RNASEH1: variants seen among roughly 807,000 people sequenced by gnomAD.
RNASEH1 encodes the protein ribonuclease H1.
Under a neutral mutation model 34.6 loss-of-function variants are expected in RNASEH1, and 27 were observed. The ratio of observed to expected loss-of-function variants is 0.78; its 90% CI spans 0.58 to 1.08. The LOEUF (loss-of-function observed/expected upper bound fraction) is 1.08. RNASEH1 is among the 50% of genes least tolerant of loss of function. The pLI is 0.00. For missense variants in RNASEH1, 349 were observed against 373.6 expected, an observed-to-expected ratio of 0.93 and a Z score of 0.54; for synonymous variants, 162 against 138.4, an observed-to-expected ratio of 1.17 and a Z score of -1.20.
chr2:3,557,029 C>T, intron 1 of RNASEH1, 125 bp from the exon 2 acceptor site: 1 of 682,328 alleles, frequency 1.5e-6, no homozygotes. Context: ...TCCAGGAAGT[C>T]CTCCACCCCA....
the RNASEH1 span, among the ~76,000 whole-genome samples, chr2:3,535,089 A>C: frequency 6.6e-6 from 1 of 152,132 alleles, no homozygotes; most frequent in African/African-American, 2.4e-5. Context: ...CAGCAGTGTG[A>C]GTGTACCTAA....
At chr2:3,546,758 G>A (rs951490450) in intron 7 of RNASEH1, among the ~76,000 whole-genome samples, 4 of 152,142 alleles carry the variant, frequency 2.6e-5, no homozygotes, top group African/African-American at 9.7e-5. Flanking sequence ...GCAACAGTGC[G>A]AGACTCCATC....
intron 7 of RNASEH1, among the ~76,000 whole-genome samples, chr2:3,546,370 T>A (rs1237044168): frequency 6.6e-6 from 1 of 152,222 alleles, no homozygotes; most frequent in Non-Finnish European, 1.5e-5. Context: ...TGCAGTGTAA[T>A]TTGTTCTCTA....
intron 2 of RNASEH1, among the ~76,000 whole-genome samples, chr2:3,556,011 A>C (rs1660457390): frequency 6.6e-6 from 1 of 151,990 alleles, no homozygotes; most frequent in Non-Finnish European, 1.5e-5. Flanking sequence ...TCTCTACTAA[A>C]AAAAATACAA....
At chr2:3,552,756 G>A (rs913803425) in intron 2 of RNASEH1, among the ~76,000 whole-genome samples, 1 of 151,976 alleles carries the variant, frequency 6.6e-6, no homozygotes, top group African/African-American at 2.4e-5. Context: ...CCAGCTACTC[G>A]GGAGGCTGAC....
chr2:3,552,386 A>C, intron 2 of RNASEH1, 78 bp from the exon 3 acceptor site: 1 of 1,389,916 alleles, frequency 7.2e-7, no homozygotes, highest in Non-Finnish European at 9.9e-7. Flanking sequence ...ACATTCAGTA[A>C]ATTATTTAGT....
intron 2 of RNASEH1, 48 bp from the exon 3 acceptor site, chr2:3,552,356 C>T (rs372133256): frequency 1.7e-5 from 26 of 1,554,584 alleles, no homozygotes; most frequent in South Asian, 1.0e-4. Context: ...GAACATAACA[C>T]GAAATGCTAG....
chr2:3,538,410 A>G (rs1406831029), downstream of RNASEH1, among the ~76,000 whole-genome samples: 2 of 151,954 alleles, frequency 1.3e-5, no homozygotes, highest in African/African-American at 2.4e-5. Context: ...ACAAAGACGC[A>G]CACCCCAGCA....
chr2:3,556,637 C>G (rs939549081), intron 2 of RNASEH1, 152 bp downstream of exon 2: 10 of 605,078 alleles, frequency 1.7e-5, no homozygotes, highest in Admixed American at 2.9e-5. Flanking sequence ...CTATTTGTAA[C>G]TGCTTTCAGT....
chr2:3,540,060 C>A (rs1341004770), downstream of RNASEH1, among the ~76,000 whole-genome samples: 1 of 152,064 alleles, frequency 6.6e-6, no homozygotes, highest in Admixed American at 6.5e-5. Flanking sequence ...CCGGCAGACA[C>A]CAGGAGGGGA....
rs1317214057 is a variant in RNASEH1, at chr2:3,541,936, T to C, written c.*3849A>G. Among the ~76,000 whole-genome samples the C allele has an allele frequency of 6.6e-6, 1 of 152,188 alleles. No individual in the cohort carries two copies. Among genetic ancestry groups the C allele is most frequent in the Non-Finnish European group, 1.5e-5 (1 of 68,046 alleles). The stretch of plus-strand genomic sequence containing the variant: ...GGGAGGCCAAGGAAGGAGGATCGCT[T>C]GAGGCCAGGAGTTTAAGACCAGCCT... On this transcript the variant is annotated 3_prime_UTR_variant, in exon 8 of 8. Transcript: ENST00000315212.
chr2:3,545,783 G>A lies in RNASEH1; in HGVS notation c.*2C>T. The stretch of plus-strand genomic sequence containing the variant: ...TTCTCCCAAGGACTAAAGTCACATG[G>A]CTCAGTCTTCCGATTGTTTAGCTCC... On this transcript the variant is annotated 3_prime_UTR_variant, in exon 8 of 8. Coordinates refer to ENST00000315212, the MANE Select transcript of RNASEH1 (RefSeq NM_002936.6). 3 of 1,607,458 alleles carry A rather than the reference G, an allele frequency of 1.9e-6. No individual in the cohort carries two copies. The highest frequency in any genetic ancestry group is 1.7e-4 in the Middle Eastern group (1 of 6,048).
chr2:3,545,102 TA>T lies in RNASEH1; in HGVS notation c.*682del, dbSNP rs35045074. The T allele has an allele frequency of 6.7e-6, 1 of 149,602 alleles. No homozygotes were observed. The highest frequency in any genetic ancestry group is 2.0e-4 in the East Asian group (1 of 5,090). The allele number at this position is 149,602 out of a possible 1,614,324, so 9.3% of individuals were successfully genotyped here. A position where few individuals can be genotyped will look rare whatever the true frequency, so the allele number is the denominator to read the frequency against. On this transcript the variant is annotated 3_prime_UTR_variant, in exon 8 of 8. Coordinates refer to ENST00000315212, the MANE Select transcript of RNASEH1 (RefSeq NM_002936.6). ...TGTCTTACTTTTTTTTTTTTTTTTT[TA>T]ATTTGCACAGTTTTTAACGAAAGAG... is the stretch of plus-strand genomic sequence containing the variant.
chr2:3,551,095 GCA>G (rs1659839208), intron 3 of RNASEH1, among the ~76,000 whole-genome samples: 1 of 152,266 alleles, frequency 6.6e-6, no homozygotes, highest in Admixed American at 6.5e-5. Context: ...AGGTCAGGTT[GCA>G]CAGTGTTAAA....
intron 4 of RNASEH1, chr2:3,550,017 C>G (rs1669132370): frequency 4.5e-6 from 1 of 224,152 alleles, no homozygotes; most frequent in Non-Finnish European, 8.9e-6. Flanking sequence ...GTGGCTCACA[C>G]CCATAATCCC....
At chr2:3,547,883 C>T (rs763431859) in intron 7 of RNASEH1, 48 bp downstream of exon 7, 4 of 1,587,356 alleles carry the variant, frequency 2.5e-6, no homozygotes, top group African/African-American at 2.7e-5. Context: ...GTAAACTTAG[C>T]TTATTTGGTC....
intron 3 of RNASEH1, among the ~76,000 whole-genome samples, chr2:3,551,181 G>A (rs959813270): frequency 7.9e-5 from 12 of 152,264 alleles, no homozygotes; most frequent in African/African-American, 2.7e-4. Flanking sequence ...ACGGCAGACT[G>A]AGCTCAGCAG....
At chr2:3,548,096 T>TA in intron 6 of RNASEH1, 41 bp from the exon 7 acceptor site, 1 of 1,612,292 alleles carries the variant, frequency 6.2e-7, no homozygotes, top group Non-Finnish European at 8.5e-7. Flanking sequence ...ATCTTGAGTG[T>TA]CCTGCCTTTT....
In RNASEH1 at chr2:3,545,749, T is replaced by G. The variant is rs938302457; in HGVS notation, c.*36A>C. 4.8e-6 allele frequency: 7 copies of G among 1,452,444 alleles called. No homozygotes were observed. The Admixed American group carries it at 5.0e-5, about 10-fold the overall frequency. 90.0% of individuals were successfully genotyped at this position (1,452,444 alleles called of 1,614,324 possible). A position where few individuals can be genotyped will look rare whatever the true frequency, so the allele number is the denominator to read the frequency against. ...TAAGTACAGGCAGCAAGACAGCCGC[T>G]GGCTCAAGTTCTCCCAAGGACTAAA... On this transcript the variant is annotated 3_prime_UTR_variant, in exon 8 of 8. Transcript: ENST00000315212.
Sources: gnomAD v4.1 joint callset for allele counts (sites outside exome capture counted in the v4.1 genomes callset) on GRCh38, gnomAD v4.1.1 for gene constraint, MANE v1.5 for transcripts, NCBI Gene and HGNC (gene_info 2026-07-23, HGNC 2026-07-21) for gene names.